The following TRPM2 variants were observed in gnomAD, a reference collection of about 807,000 sequenced individuals.
TRPM2 encodes the protein estrogen-responsive element-associated gene 1 protein.
TRPM2 carries 161 observed loss-of-function variants against 174.0 expected under a neutral mutation model. The ratio of observed to expected loss-of-function variants is 0.93; its 90% CI spans 0.81 to 1.05. The LOEUF (loss-of-function observed/expected upper bound fraction) is 1.05, where lower values mean the gene tolerates loss of function less well. Ranked by LOEUF, TRPM2 falls within the 50% of genes least tolerant of loss-of-function variation. The pLI is 0.00. For synonymous variants in TRPM2, 954 were observed against 861.3 expected (o/e 1.11, Z -1.88); for missense variants, 2,057 against 2,038.0 (o/e 1.01, Z -0.18).
At chr21:44,393,287 C>T (rs1034973508) in intron 11 of TRPM2, among the ~76,000 whole-genome samples, 10 of 151,930 alleles carry the variant, frequency 6.6e-5, no homozygotes, top group East Asian at 5.8e-4. Flanking sequence ...AGCAAAGCAT[C>T]GATGCCTTTG....
In TRPM2 at chr21:44,416,837, C is replaced by T. The variant is rs192585152; in HGVS notation, c.3147-1090C>T. On this transcript the variant is annotated intron_variant, in intron 20 of 31. Transcript: ENST00000397928. ...CTGCTCTCTGGCATCACAGTGGGCA[C>T]GTGGGCATGGCTCTGCTCTCTGTGG... 6.8e-3 allele frequency: 1,186 copies of T among 173,230 alleles called. 5 individuals carry two copies. The highest frequency in any genetic ancestry group is 0.01 in the Non-Finnish European group (861 of 85,854). 10.7% of individuals were successfully genotyped at this position (173,230 alleles called of 1,614,324 possible).
chr21:44,351,904 T>A (rs2047932055), upstream of TRPM2, among the ~76,000 whole-genome samples: 1 of 152,196 alleles, frequency 6.6e-6, no homozygotes, highest in South Asian at 2.1e-4. Context: ...GACAGCTGCC[T>A]GAAAGATGAG....
At chr21:44,389,061 C>T (rs556693503) in intron 9 of TRPM2, among the ~76,000 whole-genome samples, 1 of 152,196 alleles carries the variant, frequency 6.6e-6, no homozygotes, top group Non-Finnish European at 1.5e-5. Flanking sequence ...AATATTCCCT[C>T]ATGGCCCTTT....
In TRPM2 at chr21:44,439,134, C is replaced by T. The variant is rs144331323; in HGVS notation, c.4235C>T (p.Pro1412Leu). 1.3e-3 allele frequency: 2,042 copies of T among 1,613,710 alleles called. 4 individuals are homozygous for T. The highest frequency in any genetic ancestry group is 1.9e-3 in the Admixed American group (112 of 60,010). Residue 1412 changes from proline to leucine, a missense_variant, in exon 30 of 32, where the codon CCG becomes CTG. By Grantham distance (98) the Pro-to-Leu change is moderately conservative. Coordinates refer to ENST00000397928, the MANE Select transcript of TRPM2 (RefSeq NM_003307.4). The surrounding 1 kb of genome is among the most constrained non-coding windows in gnomAD (Gnocchi z 5.1). ...LKRILRQEHW[P>L]SFENLLKCGM... ...CGGATCCTCCGGCAGGAGCACTGGC[C>T]GTCTTTTGAAAACTTGCTGAAGTGC...
intron 9 of TRPM2, among the ~76,000 whole-genome samples, chr21:44,383,965 T>A (rs1002273698): frequency 1.3e-5 from 2 of 151,680 alleles, no homozygotes; most frequent in Non-Finnish European, 2.9e-5. Context: ...TAAGAACAAA[T>A]GAAATCCAAA....
Position 44,423,736 on chromosome 21 carries a change from G to A in TRPM2, c.3549+4G>A. The A allele has an allele frequency of 6.2e-7, 1 of 1,600,894 alleles. No individual in the cohort carries two copies. Among genetic ancestry groups the A allele is most frequent in the Non-Finnish European group, 8.5e-7 (1 of 1,175,868 alleles). ...GTTGGCCTCCCTGGAGGAGCAGGTG[G>A]GTCCGAGGTCGGGGCCTCCGTCAGG... is the stretch of plus-strand genomic sequence containing the variant. On this transcript the variant is annotated splice_donor_region_variant and intron_variant, in intron 23 of 31. Transcript: ENST00000397928.
Position 44,377,711 on chromosome 21 carries a change from G to A in TRPM2, c.953-1G>A. 6.2e-7 allele frequency: 1 copy of A among 1,614,128 alleles called. No homozygotes were observed. The highest frequency in any genetic ancestry group is 8.5e-7 in the Non-Finnish European group (1 of 1,180,036). On this transcript the variant is annotated splice_acceptor_variant, in intron 6 of 31. Transcript: ENST00000397928. LOFTEE classifies it high-confidence loss of function. ...CTCACTCGGCTGTGTGCTTTTTCTA[G>A]GTGTGGCCATCAAGATCCCCATCGT...
At chr21:44,375,456 T>C (rs543628187) in intron 5 of TRPM2, among the ~76,000 whole-genome samples, 1 of 152,308 alleles carries the variant, frequency 6.6e-6, no homozygotes, top group East Asian at 1.9e-4. Flanking sequence ...CTCTCACGTG[T>C]CTGGAGGACA....
chr21:44,414,189 CAG>C, intron 20 of TRPM2, 115 bp downstream of exon 20: 1 of 1,326,018 alleles, frequency 7.5e-7, no homozygotes, highest in Middle Eastern at 2.0e-4. Context: ...GGCTGGTGCA[CAG>C]AGGCGCGTCA....
chr21:44,390,819 C>T, intron 9 of TRPM2, 85 bp from the exon 10 acceptor site: 1 of 1,579,236 alleles, frequency 6.3e-7, no homozygotes, highest in Non-Finnish European at 8.6e-7. Flanking sequence ...GCTCATGACA[C>T]ATCCCTGACT....
At position 44,441,609 on chromosome 21, in the gene TRPM2, C is replaced by T. The variant is rs552143373; in HGVS notation, c.4387-83C>T. 4.1e-6 allele frequency: 6 copies of T among 1,479,760 alleles called. No homozygotes were observed. The Admixed American group carries it at 1.1e-4, about 26-fold the overall frequency. The allele number at this position is 1,479,760 out of a possible 1,614,324, so 91.7% of individuals were successfully genotyped here. On this transcript the variant is annotated intron_variant, in intron 31 of 31. Transcript: ENST00000397928. ...AAAGGGAGGGTGTGCAGGCCCCAAG[C>T]CCTCGAAGGCTGCAGTCCGTAGGGC...
intron 19 of TRPM2, among the ~76,000 whole-genome samples, chr21:44,412,982 T>C (rs570880335): frequency 2.0e-5 from 3 of 152,120 alleles, no homozygotes; most frequent in Non-Finnish European, 4.4e-5. Flanking sequence ...AAGAATGTTA[T>C]TCATAATTTC....
intron 15 of TRPM2, among the ~76,000 whole-genome samples, chr21:44,400,985 C>G (rs28561429): frequency 0.034 from 5,108 of 152,192 alleles, 255 homozygotes; most frequent in African/African-American, 0.1. Flanking sequence ...GTGGCTGAGC[C>G]CCTTCTGCAA....
Position 44,364,168 on chromosome 21 carries a change from C to T in TRPM2, c.309C>T (p.Thr103=), listed in dbSNP as rs2146143069. ...ATGAGCAGCACTTGGAGGAGGCTAC[C>T]AAGCCCCACACCTTCCAGGGCACAC... is the stretch of plus-strand genomic sequence containing the variant. ...YTHEQHLEEA[T]KPHTFQGTQW... The change falls in exon 3 of 32, where the codon ACC becomes ACT. Residue 103 remains threonine (T), a synonymous_variant. Transcript: ENST00000397928. The T allele has an allele frequency of 1.2e-6, 2 of 1,614,184 alleles. No homozygotes were observed. The highest frequency in any genetic ancestry group is 2.2e-5 in the East Asian group (1 of 44,886).
intron 19 of TRPM2, 27 bp downstream of exon 19, chr21:44,406,792 G>A (rs779290314): frequency 3.9e-5 from 62 of 1,579,634 alleles, no homozygotes; most frequent in Non-Finnish European, 4.4e-5. Flanking sequence ...ATGGGAGCTC[G>A]GGTGGTGCTG....
intron 19 of TRPM2, among the ~76,000 whole-genome samples, chr21:44,408,840 T>C (rs1036397847): frequency 1.8e-4 from 28 of 151,946 alleles, no homozygotes; most frequent in Non-Finnish European, 8.8e-5. Context: ...GTATTTTTAG[T>C]AGATACAGAG....
chr21:44,394,985 G>C (rs1391812550), intron 11 of TRPM2, among the ~76,000 whole-genome samples: 1 of 152,212 alleles, frequency 6.6e-6, no homozygotes, highest in African/African-American at 2.4e-5. Context: ...TTGCCCACCT[G>C]ACAGATCTTT....
intron 5 of TRPM2, among the ~76,000 whole-genome samples, chr21:44,372,285 C>T (rs1258813783): frequency 6.6e-6 from 1 of 152,214 alleles, no homozygotes; most frequent in Non-Finnish European, 1.5e-5. Flanking sequence ...AGGCATATCA[C>T]CTGAGGTCAG....
chr21:44,365,822 A>T (rs759382927), intron 3 of TRPM2, among the ~76,000 whole-genome samples: 1 of 152,196 alleles, frequency 6.6e-6, no homozygotes, highest in Non-Finnish European at 1.5e-5. Flanking sequence ...AGCGTCCACC[A>T]TGCAGGCCAC....
Sources: allele counts gnomAD v4.1 joint callset (sites outside exome capture counted in the v4.1 genomes callset), GRCh38; gene constraint gnomAD v4.1.1; non-coding constraint Gnocchi (gnomAD v3.1); transcripts MANE v1.5; gene names NCBI Gene and HGNC (gene_info 2026-07-23, HGNC 2026-07-21).